The following INSC variants were observed in gnomAD, a reference collection of about 807,000 sequenced individuals.
INSC encodes the protein protein inscuteable homolog.
A neutral mutation model predicts 58.6 loss-of-function variants in INSC; 67 were observed. The ratio of observed to expected loss-of-function variants is 1.14; its 90% CI spans 0.94 to 1.40. The LOEUF (loss-of-function observed/expected upper bound fraction) is 1.40, where lower values mean the gene tolerates loss of function less well. Among genes scored for constraint, INSC ranks in the 40% most tolerant of loss-of-function variants. INSC has a pLI of 0.00. For synonymous variants in INSC, 262 were observed against 276.1 expected (o/e 0.95, Z 0.51); for missense variants, 714 against 692.0 (o/e 1.03, Z -0.36).
intron 7 of INSC, among the ~76,000 whole-genome samples, chr11:15,205,799 T>G (rs1176078018): frequency 6.6e-6 from 1 of 152,108 alleles, no homozygotes; most frequent in Non-Finnish European, 1.5e-5. Flanking sequence ...GGTTCTAAAC[T>G]CCTGCTCTTT....
At chr11:15,116,839 T>TTC (rs1847715952) in intron 1 of INSC, among the ~76,000 whole-genome samples, 1 of 46,348 alleles carries the variant, frequency 2.2e-5, no homozygotes, top group African/African-American at 1.4e-4. Flanking sequence ...CTTTCTTTCT[T>TTC]TCTTTCTTTC....
chr11:15,215,133 T>C (rs1482174656), intron 7 of INSC, among the ~76,000 whole-genome samples: 2 of 152,202 alleles, frequency 1.3e-5, no homozygotes, highest in Admixed American at 6.5e-5. Context: ...GCTGCCCAGA[T>C]GATGACCAAG....
rs1049039380 is a variant in INSC at position 15,247,132 on chromosome 11, T to C, written c.*1092T>C. The C allele has an allele frequency of 1.3e-5, 2 of 152,160 alleles. No homozygotes were observed. Among genetic ancestry groups the C allele is most frequent in the Non-Finnish European group, 2.9e-5 (2 of 68,036 alleles). 9.4% of individuals were successfully genotyped at this position (152,160 alleles called of 1,614,324 possible). A position where few individuals can be genotyped will look rare whatever the true frequency, so the allele number is the denominator to read the frequency against. ...ATATAAATGCCATCATATTGTGATA[T>C]AATTTATACAATATAATATAATTGT... On this transcript the variant is annotated 3_prime_UTR_variant, in exon 13 of 13. Coordinates refer to ENST00000379556, the MANE Select transcript of INSC (RefSeq NM_001042536.3).
chr11:15,213,581 T>A (rs1241093486), intron 7 of INSC, among the ~76,000 whole-genome samples: 1 of 152,116 alleles, frequency 6.6e-6, no homozygotes, highest in Non-Finnish European at 1.5e-5. Flanking sequence ...ATAAGGAAAA[T>A]CATCTGCCTA....
At chr11:15,114,294 G>A (rs567442026), upstream of INSC, among the ~76,000 whole-genome samples, 65 of 152,066 alleles carry the variant, frequency 4.3e-4, no homozygotes, top group African/African-American at 1.5e-3. Flanking sequence ...GCCGAAGTTA[G>A]AAGGAGTTTC....
chr11:15,167,213 C>T (rs949359058), intron 2 of INSC, among the ~76,000 whole-genome samples: 2 of 151,906 alleles, frequency 1.3e-5, no homozygotes, highest in East Asian at 1.9e-4. Context: ...TGGGGGTTCT[C>T]GAGCAGCCAA....
At chr11:15,124,295 T>C (rs140676221) in intron 1 of INSC, among the ~76,000 whole-genome samples, 151 of 152,258 alleles carry the variant, frequency 9.9e-4, no homozygotes, top group African/African-American at 3.5e-3. Flanking sequence ...CTGGGTATGA[T>C]TGCAGGGTGT....
At chr11:15,256,713 C>T in the INSC span, among the ~76,000 whole-genome samples, 1 of 152,126 alleles carries the variant, frequency 6.6e-6, no homozygotes, top group African/African-American at 2.4e-5. Context: ...TGGTTTTGAA[C>T]TCCTGACCTC....
the INSC span, among the ~76,000 whole-genome samples, chr11:15,268,136 T>G: frequency 6.6e-6 from 1 of 152,046 alleles, no homozygotes; most frequent in Non-Finnish European, 1.5e-5. Context: ...TGTTTTCTCT[T>G]TCTGAGAGAA....
rs76942223 is a variant in INSC at position 15,246,355 on chromosome 11, A to G, written c.*315A>G. ...TTATTTTTTCTACTCTCACTATACAATCTTGCCTCATTTTTTAAAACTTTG... is the reference window on the plus strand; with the variant it reads ...TTATTTTTTCTACTCTCACTATACAGTCTTGCCTCATTTTTTAAAACTTTG... On this transcript the variant is annotated 3_prime_UTR_variant, in exon 13 of 13. Transcript: ENST00000379556. 6,051 of 170,656 alleles carry G rather than the reference A, an allele frequency of 0.035. 150 individuals carry two copies. The highest frequency in any genetic ancestry group is 0.057 in the Middle Eastern group (21 of 370). The allele number at this position is 170,656 out of a possible 1,614,324, so 10.6% of individuals were successfully genotyped here.
At chr11:15,252,569 T>C in the INSC span, among the ~76,000 whole-genome samples, 1 of 152,164 alleles carries the variant, frequency 6.6e-6, no homozygotes. Flanking sequence ...GTCCTCTTGA[T>C]ATGGCTTTTA....
chr11:15,162,092 G>C (rs1849038877), intron 2 of INSC, among the ~76,000 whole-genome samples: 1 of 152,164 alleles, frequency 6.6e-6, no homozygotes, highest in African/African-American at 2.4e-5. Context: ...TTGGGTTATA[G>C]AGAAGTATAT....
At chr11:15,218,564 A>C (rs11023473) in intron 7 of INSC, among the ~76,000 whole-genome samples, 23,092 of 151,212 alleles carry the variant, frequency 0.15, 2,581 homozygotes, top group African/African-American at 0.32. Flanking sequence ...CTCTCTCTCT[A>C]TATATATATA....
At chr11:15,202,026 A>C (rs1460578417) in intron 7 of INSC, among the ~76,000 whole-genome samples, 1 of 152,218 alleles carries the variant, frequency 6.6e-6, no homozygotes, top group Non-Finnish European at 1.5e-5. Context: ...GGGTCATAGA[A>C]TCATGAACTT....
chr11:15,169,200 T>TC (rs11437519), intron 2 of INSC, among the ~76,000 whole-genome samples: 120,934 of 151,976 alleles, frequency 0.8, 48,896 homozygotes, highest in East Asian at 0.99. Flanking sequence ...GAGGGAGGGT[T>TC]CCCGATGTAG....
chr11:15,161,747 G>A (rs934237535), intron 2 of INSC, among the ~76,000 whole-genome samples: 30 of 152,196 alleles, frequency 2.0e-4, no homozygotes, highest in African/African-American at 7.0e-4. Context: ...AAGCCCCCAT[G>A]CACAGTAAGG....
At chr11:15,191,833 G>A (rs140248808) in intron 6 of INSC, among the ~76,000 whole-genome samples, 16 of 152,274 alleles carry the variant, frequency 1.1e-4, no homozygotes, top group Admixed American at 3.3e-4. Context: ...CTCAGCATCT[G>A]CCTATGATCC....
At chr11:15,178,998 C>T (rs756889846) in intron 5 of INSC, among the ~76,000 whole-genome samples, 2 of 152,216 alleles carry the variant, frequency 1.3e-5, no homozygotes, top group Non-Finnish European at 2.9e-5. Flanking sequence ...AGAGAAGAAT[C>T]TAGAAAGATC....
At chr11:15,249,065 G>A (rs1193281680), downstream of INSC, among the ~76,000 whole-genome samples, 1 of 152,194 alleles carries the variant, frequency 6.6e-6, no homozygotes, top group Non-Finnish European at 1.5e-5. Flanking sequence ...TCTGGGCAGG[G>A]AGGAAGGACA....
Sources: allele counts gnomAD v4.1 joint callset (sites outside exome capture counted in the v4.1 genomes callset), GRCh38; gene constraint gnomAD v4.1.1; transcripts MANE v1.5; gene names NCBI Gene and HGNC (gene_info 2026-07-23, HGNC 2026-07-21).